CIMAP1C: variants seen among roughly 807,000 people sequenced by gnomAD.
CIMAP1C encodes outer dense fiber of sperm tails 3 like 1.
the CIMAP1C span, chr15:75,725,073 G>T: frequency 4.1e-6 from 6 of 1,473,004 alleles, no homozygotes; most frequent in African/African-American, 4.1e-5. Flanking sequence ...GACCTGGTGG[G>T]CCCAGGCTGA....
the CIMAP1C span, chr15:75,727,361 A>G: frequency 2.5e-6 from 4 of 1,614,154 alleles, no homozygotes; most frequent in Non-Finnish European, 3.4e-6. Context: ...TCAGAACCGC[A>G]GCCCTACTTA....
chr15:75,726,516 G>C, the CIMAP1C span, among the ~76,000 whole-genome samples: 3 of 152,156 alleles, frequency 2.0e-5, no homozygotes, highest in Non-Finnish European at 4.4e-5. Flanking sequence ...GCAACTGGGG[G>C]TAATCCAAGG....
the CIMAP1C span, chr15:75,726,212 T>TG: frequency 1.6e-5 from 8 of 495,112 alleles, no homozygotes; most frequent in Admixed American, 6.2e-5. Flanking sequence ...GTTGGGAGGT[T>TG]GGGGGGTGGG....
At chr15:75,724,398 T>C in the CIMAP1C span, 51 of 932,616 alleles carry the variant, frequency 5.5e-5, no homozygotes, top group Non-Finnish European at 7.9e-5. Context: ...GCAAAGCCCC[T>C]TCCAACTTCC....
the CIMAP1C span, chr15:75,727,077 C>A: frequency 1.9e-6 from 3 of 1,613,282 alleles, no homozygotes; most frequent in African/African-American, 1.3e-5. Flanking sequence ...CCCACCCTCG[C>A]ATCCTGCCAG....
the CIMAP1C span, among the ~76,000 whole-genome samples, chr15:75,726,611 TA>T: frequency 6.6e-6 from 1 of 151,924 alleles, no homozygotes; most frequent in Non-Finnish European, 1.5e-5. Context: ...GTGACCATCT[TA>T]TTTATTTATT....
At chr15:75,725,243 C>T in the CIMAP1C span, 56 of 1,490,290 alleles carry the variant, frequency 3.8e-5, no homozygotes, top group Middle Eastern at 1.7e-4. Flanking sequence ...CCCAGTCATC[C>T]GGCTGGGGTT....
the CIMAP1C span, among the ~76,000 whole-genome samples, chr15:75,726,348 T>C: frequency 3.9e-5 from 6 of 152,172 alleles, no homozygotes; most frequent in African/African-American, 1.4e-4. Flanking sequence ...TTGAAGTCAA[T>C]GTTATGACAT....
At chr15:75,727,193 C>A in the CIMAP1C span, 2 of 1,614,136 alleles carry the variant, frequency 1.2e-6, no homozygotes, top group Non-Finnish European at 1.7e-6. Context: ...GGCTCCCAAC[C>A]AGTACCAGAT....
the CIMAP1C span, chr15:75,724,439 A>C: frequency 1.4e-6 from 1 of 714,944 alleles, no homozygotes. Flanking sequence ...TGAGCCTCCA[A>C]GCTGACCCTC....
chr15:75,726,164 C>A, the CIMAP1C span: 4 of 1,563,724 alleles, frequency 2.6e-6, no homozygotes, highest in Non-Finnish European at 3.5e-6. Context: ...AGCGCATCTC[C>A]AACCTGCGTA....
At chr15:75,727,621 C>G in the CIMAP1C span, 1 of 1,386,664 alleles carries the variant, frequency 7.2e-7, no homozygotes. Flanking sequence ...ACCAAGATTT[C>G]TAGTAGCAGA....
chr15:75,725,244 G>A, the CIMAP1C span: 20 of 1,514,016 alleles, frequency 1.3e-5, no homozygotes, highest in African/African-American at 1.8e-4. Context: ...CCAGTCATCC[G>A]GCTGGGGTTG....
the CIMAP1C span, chr15:75,727,650 T>C: frequency 9.4e-7 from 1 of 1,068,980 alleles, no homozygotes; most frequent in Non-Finnish European, 1.4e-6. Flanking sequence ...CTGCTGAGTG[T>C]CCGGCACACA....
At chr15:75,725,240 A>G in the CIMAP1C span, 1 of 1,509,902 alleles carries the variant, frequency 6.6e-7, no homozygotes, top group African/African-American at 1.4e-5. Context: ...CACCCCAGTC[A>G]TCCGGCTGGG....
chr15:75,724,377 G>A, the CIMAP1C span: 8 of 1,173,982 alleles, frequency 6.8e-6, no homozygotes, highest in Non-Finnish European at 1.0e-5. Flanking sequence ...ACTCCTTCCA[G>A]CCTGCCTCCT....
chr15:75,724,248 C>A, the CIMAP1C span: 1 of 1,614,158 alleles, frequency 6.2e-7, no homozygotes, highest in African/African-American at 1.3e-5. Context: ...TGCACAGCAC[C>A]CAGAAAAGGA....
the CIMAP1C span, chr15:75,724,400 C>T: frequency 1.1e-6 from 1 of 930,386 alleles, no homozygotes. Flanking sequence ...AAAGCCCCTT[C>T]CAACTTCCTT....
At chr15:75,724,563 C>T in the CIMAP1C span, among the ~76,000 whole-genome samples, 4 of 152,342 alleles carry the variant, frequency 2.6e-5, no homozygotes, top group Middle Eastern at 0.01. Flanking sequence ...CTAGCTTTAG[C>T]TTTCCTCACT....
Sources: allele counts gnomAD v4.1 joint callset (sites outside exome capture counted in the v4.1 genomes callset), GRCh38; gene constraint gnomAD v4.1.1; transcripts MANE v1.5; gene names NCBI Gene and HGNC (gene_info 2026-07-23, HGNC 2026-07-21).